The following PCSK6 variants were observed in gnomAD, a reference collection of about 807,000 sequenced individuals.
PCSK6 encodes paired basic amino acid cleaving enzyme 4.
PCSK6 carries 85 observed loss-of-function variants against 123.3 expected under a neutral mutation model. That is an observed-to-expected ratio of 0.69 (90% CI 0.58 to 0.83). The LOEUF (loss-of-function observed/expected upper bound fraction) is 0.83, where lower values mean the gene tolerates loss of function less well. Ranked by LOEUF, PCSK6 falls within the 40% of genes least tolerant of loss-of-function variation. The pLI is 0.00. For missense variants in PCSK6, 1,191 were observed against 1,282.3 expected (o/e 0.93, Z 1.09); for synonymous variants, 508 against 516.0 (o/e 0.98, Z 0.21).
At chr15:101,429,669 G>A (rs2056380563) in intron 5 of PCSK6, among the ~76,000 whole-genome samples, 1 of 152,234 alleles carries the variant, frequency 6.6e-6, no homozygotes, top group Non-Finnish European at 1.5e-5. Context: ...AGCAGGTCAT[G>A]GAGACGGTTA....
chr15:101,482,947 A>C (rs964950059), intron 1 of PCSK6, among the ~76,000 whole-genome samples: 1 of 152,194 alleles, frequency 6.6e-6, no homozygotes, highest in Non-Finnish European at 1.5e-5. Flanking sequence ...TCAGGAGGGC[A>C]GTCCGGTCAA....
intron 1 of PCSK6, among the ~76,000 whole-genome samples, chr15:101,482,613 G>C (rs1432723574): frequency 6.6e-6 from 1 of 152,232 alleles, no homozygotes; most frequent in Non-Finnish European, 1.5e-5. Flanking sequence ...ACAGCCCTGA[G>C]TGTCCCTGTC....
intron 11 of PCSK6, among the ~76,000 whole-genome samples, chr15:101,373,756 G>C (rs906249798): frequency 1.3e-5 from 2 of 152,156 alleles, no homozygotes; most frequent in African/African-American, 4.8e-5. Context: ...AACAGAAGTG[G>C]TTCTCCACCC....
At chr15:101,391,548 T>G (rs1015425261) in intron 8 of PCSK6, among the ~76,000 whole-genome samples, 2 of 152,240 alleles carry the variant, frequency 1.3e-5, no homozygotes, top group Non-Finnish European at 2.9e-5. Flanking sequence ...AGATGCTTTC[T>G]TTAGGTTTTA....
chr15:101,341,258 T>TC (rs1187648616), intron 13 of PCSK6, among the ~76,000 whole-genome samples: 2 of 147,922 alleles, frequency 1.4e-5, no homozygotes, highest in African/African-American at 5.0e-5. Flanking sequence ...GTTTTTTTTT[T>TC]TTTTTTTCTT....
rs191410252 is a variant in PCSK6, at chr15:101,388,402, G to A, written c.1310+1062C>T. On this transcript the variant is annotated intron_variant, in intron 9 of 21. Coordinates refer to ENST00000611716, the MANE Select transcript of PCSK6 (RefSeq NM_002570.5). ...CTACAACAGATGACTACTGCAGAGG[G>A]CTGGTTTGTTCTCTGCCAGTTTTGG... is the stretch of plus-strand genomic sequence containing the variant. Among the ~76,000 whole-genome samples the A allele has an allele frequency of 7.2e-5, 11 of 152,310 alleles. No homozygotes were observed. In the East Asian group the frequency reaches 2.1e-3, roughly 29 times the overall value.
rs1047637838 is a variant in PCSK6 at position 101,366,278 on chromosome 15, G to A, written c.1776C>T (p.His592=). 1.2e-6 allele frequency: 2 copies of A among 1,613,790 alleles called. No individual in the cohort carries two copies. Among genetic ancestry groups the A allele is most frequent in the South Asian group, 1.1e-5 (1 of 91,022 alleles). The change falls in exon 13 of 22, where the codon CAC becomes CAT. Residue 592 remains histidine (H), a synonymous_variant. Coordinates refer to ENST00000611716, the MANE Select transcript of PCSK6 (RefSeq NM_002570.5). ...GCCCTTCAGCCTTTTCTCCCCAGCA[G>A]TGGACAGTCATGAATTCCCAGTTTG... ...GFTNWEFMTV[H]CWGEKAEGQW...
chr15:101,455,950 G>A (rs1185418157), intron 1 of PCSK6, among the ~76,000 whole-genome samples: 2 of 149,326 alleles, frequency 1.3e-5, no homozygotes, highest in Non-Finnish European at 3.0e-5. Flanking sequence ...CCGGCAAGCT[G>A]TATGCTAAGA....
chr15:101,336,456 C>A (rs140302720), intron 13 of PCSK6, among the ~76,000 whole-genome samples: 1 of 152,202 alleles, frequency 6.6e-6, no homozygotes, highest in Non-Finnish European at 1.5e-5. Context: ...TCAAAAGGAA[C>A]GGGCTCCCTT....
chr15:101,392,321 G>T (rs1220365899), intron 8 of PCSK6, among the ~76,000 whole-genome samples: 6 of 152,212 alleles, frequency 3.9e-5, no homozygotes, highest in Non-Finnish European at 8.8e-5. Flanking sequence ...CCAGGCTGGC[G>T]ACAGAACGAT....
chr15:101,328,086 T>G (rs2040298708), intron 15 of PCSK6, among the ~76,000 whole-genome samples: 1 of 152,218 alleles, frequency 6.6e-6, no homozygotes, highest in East Asian at 1.9e-4. Context: ...AATCCTCATT[T>G]CTCGCACCAT....
intron 13 of PCSK6, among the ~76,000 whole-genome samples, chr15:101,360,878 T>G (rs2041201409): frequency 1.3e-5 from 2 of 152,224 alleles, no homozygotes; most frequent in African/African-American, 4.8e-5. Flanking sequence ...CCCTGCTTCA[T>G]TTTTCTCCTT....
chr15:101,461,708 G>A (rs1265692110), intron 1 of PCSK6, among the ~76,000 whole-genome samples: 1 of 152,128 alleles, frequency 6.6e-6, no homozygotes, highest in Non-Finnish European at 1.5e-5. Flanking sequence ...GTCAATAACT[G>A]TAATTTTTAC....
chr15:101,339,613 A>T (rs946199157), intron 13 of PCSK6, among the ~76,000 whole-genome samples: 2 of 152,210 alleles, frequency 1.3e-5, no homozygotes, highest in Non-Finnish European at 2.9e-5. Flanking sequence ...ATTATTAAAA[A>T]TACCGTGTAG....
At chr15:101,481,250 G>T (rs564484880) in intron 1 of PCSK6, among the ~76,000 whole-genome samples, 69 of 152,322 alleles carry the variant, frequency 4.5e-4, no homozygotes, top group South Asian at 1.0e-3. Flanking sequence ...CGGCGGGCTG[G>T]GGAAATCGGG....
chr15:101,336,078 C>T (rs2086677), intron 13 of PCSK6, among the ~76,000 whole-genome samples: 3,490 of 152,280 alleles, frequency 0.023, 65 homozygotes, highest in South Asian at 0.068. Context: ...TTGCAGCACA[C>T]GACTACACAA....
intron 1 of PCSK6, among the ~76,000 whole-genome samples, chr15:101,469,369 C>G (rs2057545969): frequency 6.6e-6 from 1 of 152,188 alleles, no homozygotes; most frequent in African/African-American, 2.4e-5. Flanking sequence ...GTGTAGAGAG[C>G]TGCTACATGC....
chr15:101,474,713 C>T (rs2057687105), intron 1 of PCSK6, among the ~76,000 whole-genome samples: 1 of 152,158 alleles, frequency 6.6e-6, no homozygotes, highest in Non-Finnish European at 1.5e-5. Flanking sequence ...GCCCTCCAGG[C>T]AATACTGCCC....
At chr15:101,362,167 A>G (rs188212887) in intron 13 of PCSK6, among the ~76,000 whole-genome samples, 51 of 152,230 alleles carry the variant, frequency 3.4e-4, no homozygotes, top group Admixed American at 9.2e-4. Context: ...CATGTTGGCC[A>G]GGATGGTCTC....
Sources: allele counts gnomAD v4.1 joint callset (sites outside exome capture counted in the v4.1 genomes callset), GRCh38; gene constraint gnomAD v4.1.1; transcripts MANE v1.5; gene names NCBI Gene and HGNC (gene_info 2026-07-23, HGNC 2026-07-21).